FBXO2: variants seen among roughly 807,000 people sequenced by gnomAD.
FBXO2 encodes F-box protein 2, also known as F-box only protein 2.
FBXO2 carries 32 observed loss-of-function variants against 38.6 expected under a neutral mutation model. That is an observed-to-expected ratio of 0.83 (90% confidence interval 0.62 to 1.11). FBXO2 has a LOEUF of 1.11. Among genes scored for constraint, FBXO2 ranks in the 50% most tolerant of loss-of-function variants. The pLI is 0.00. For synonymous variants in FBXO2, 189 were observed against 182.9 expected (o/e 1.03, Z -0.27); for missense variants, 450 against 418.3 (o/e 1.08, Z -0.66).
chr1:11,650,708 A>G lies in FBXO2; in HGVS notation c.149T>C (p.Leu50Pro). 6.5e-7 allele frequency: 1 copy of G among 1,530,124 alleles called. No individual in the cohort carries two copies. The highest frequency in any genetic ancestry group is 8.7e-7 in the Non-Finnish European group (1 of 1,144,926). 94.8% of individuals were successfully genotyped at this position (1,530,124 alleles called of 1,614,324 possible). ...AAAAAAYLDE[L>P]PEPLLLRVLA... ...CACGCGCAGCAGCAGCGGCTCGGGC[A>G]GCTCGTCCAGGTACGCGGCGGCGGC... Residue 50 changes from leucine to proline, a missense_variant, in exon 2 of 6, where the codon CTG (leucine) becomes CCG (proline). By Grantham distance (98) the Leu-to-Pro change is moderately conservative. Coordinates refer to ENST00000354287, the MANE Select transcript of FBXO2 (RefSeq NM_012168.6).
At position 11,649,350 on chromosome 1, in the gene FBXO2, G is replaced by A. The variant is rs1639475090; in HGVS notation, c.618-125C>T. 8.8e-6 allele frequency: 7 copies of A among 798,946 alleles called. No individual in the cohort carries two copies. The East Asian group carries it at 1.9e-4, about 22-fold the overall frequency. 49.5% of individuals were successfully genotyped at this position (798,946 alleles called of 1,614,324 possible). On this transcript the variant is annotated intron_variant, in intron 4 of 5. Coordinates refer to ENST00000354287, the MANE Select transcript of FBXO2 (RefSeq NM_012168.6). ...GTCCTCCTGTGCGCCCAACATCCCT[G>A]TCAGCCAGCACTGCCAGTGTTCCCA...
chr1:11,649,249 TGGGGGGC>T, intron 4 of FBXO2, 24 bp from the exon 5 acceptor site: 1 of 75,286 alleles, frequency 1.3e-5, no homozygotes, highest in Non-Finnish European at 2.2e-5. Context: ...GGGAGCGAGG[TGGGGGGC>T]GGGAGGTGGG....
chr1:11,649,018 C>T (rs1570218003), intron 5 of FBXO2, 69 bp downstream of exon 5: 2 of 1,394,182 alleles, frequency 1.4e-6, no homozygotes, highest in East Asian at 2.5e-5. Flanking sequence ...GCGCTGTGGG[C>T]GGGGTCTCCT....
chr1:11,648,698 G>A lies in FBXO2; in HGVS notation c.887C>T (p.Pro296Leu). ...RVTNSSVWVE[P>L] Reference sequence around the variant, plus strand: ...GGAGAGTGGAGGCAGGGTCGCTCAGGGTTCTACCCACACGCTGCTGTTGGT... The same window carrying A: ...GGAGAGTGGAGGCAGGGTCGCTCAGAGTTCTACCCACACGCTGCTGTTGGT... The change falls in exon 6 of 6, where the codon CCC becomes CTC. Residue 296 changes from proline (P) to leucine (L), a missense_variant. Coordinates refer to ENST00000354287, the MANE Select transcript of FBXO2 (RefSeq NM_012168.6). This position sits in a 1 kb window ranked among gnomAD's most constrained non-coding sequence, Gnocchi z 4.2. 1 of 1,613,308 alleles carries A rather than the reference G, an allele frequency of 6.2e-7. No homozygotes were observed. Among genetic ancestry groups the A allele is most frequent in the Non-Finnish European group, 8.5e-7 (1 of 1,179,962 alleles).
At chr1:11,651,947 C>T (rs1258701280) in intron 1 of FBXO2, among the ~76,000 whole-genome samples, 1 of 152,186 alleles carries the variant, frequency 6.6e-6, no homozygotes, top group Non-Finnish European at 1.5e-5. Flanking sequence ...GATCCACCCG[C>T]CTCAGCCTCC....
intron 4 of FBXO2, 82 bp downstream of exon 4, chr1:11,649,697 C>G: frequency 1.4e-6 from 2 of 1,460,024 alleles, no homozygotes; most frequent in Non-Finnish European, 1.9e-6. Flanking sequence ...GCAGCACCCC[C>G]AGGCGGGGGG....
chr1:11,653,693 A>G (rs945443710), intron 1 of FBXO2, among the ~76,000 whole-genome samples: 1 of 152,080 alleles, frequency 6.6e-6, no homozygotes, highest in Non-Finnish European at 1.5e-5. Flanking sequence ...CAACCCCTGC[A>G]GGCCCCGCAG....
rs766484047 is a variant in FBXO2, at chr1:11,650,030, A to G, written c.436T>C (p.Trp146Arg). The change falls in exon 3 of 6, where the codon TGG becomes CGG. Residue 146 changes from tryptophan (W) to arginine (R), a missense_variant. Coordinates refer to ENST00000354287, the MANE Select transcript of FBXO2 (RefSeq NM_012168.6). The part of the protein sequence containing the change: ...WCDVEHGGDG[W>R]RVEELPGDSG... ...TCTCCAGGCAGCTCCTCCACCCTCC[A>G]GCCGTCCCCACCATGCTCCACGTCA... The G allele has an allele frequency of 1.2e-6, 2 of 1,613,960 alleles. No individual in the cohort carries two copies. The highest frequency in any genetic ancestry group is 1.7e-5 in the Admixed American group (1 of 60,002).
chr1:11,649,671 C>T (rs867521274), intron 4 of FBXO2, 108 bp downstream of exon 4: 3 of 1,212,304 alleles, frequency 2.5e-6, no homozygotes, highest in East Asian at 4.8e-5. Context: ...GTGGCCTCAA[C>T]CCCTGCAGTG....
intron 1 of FBXO2, chr1:11,653,894 A>C: frequency 4.2e-5 from 7 of 164,752 alleles, no homozygotes; most frequent in Non-Finnish European, 6.6e-5. Context: ...GAAGGCAGGA[A>C]TAGGTGAGGC....
intron 4 of FBXO2, 121 bp downstream of exon 4, chr1:11,649,658 C>A (rs1639479379): frequency 1.0e-6 from 1 of 994,040 alleles, no homozygotes; most frequent in Admixed American, 2.3e-5. Flanking sequence ...ACCCGTGGCC[C>A]ACGTGGCCTC....
chr1:11,651,837 T>C (rs1639526933), intron 1 of FBXO2, among the ~76,000 whole-genome samples: 1 of 152,100 alleles, frequency 6.6e-6, no homozygotes, highest in Non-Finnish European at 1.5e-5. Context: ...AGTACTGGGA[T>C]GACAGGCATG....
intron 4 of FBXO2, 32 bp from the exon 5 acceptor site, chr1:11,649,257 G>GCGGCT: frequency 7.0e-7 from 1 of 1,426,814 alleles, no homozygotes; most frequent in Non-Finnish European, 9.5e-7. Flanking sequence ...GGTGGGGGGC[G>GCGGCT]GGAGGTGGGG....
At position 11,650,554 on chromosome 1, in the gene FBXO2, G is replaced by A. The variant is rs371177968; in HGVS notation, c.303C>T (p.Gly101=). The A allele has an allele frequency of 2.5e-6, 4 of 1,596,026 alleles. No homozygotes were observed. The African/African-American group carries it at 4.0e-5, about 16-fold the overall frequency. The change falls in exon 2 of 6, where the codon GGC becomes GGT. Residue 101 remains glycine (G), a synonymous_variant. Transcript: ENST00000354287. ...AGTGGTCGCGCTCCTCCTCCACGCC[G>A]CCCTCGGGCACCAGCCCCTCCTGCT... ...KCQQEGLVPE[G]GVEEERDHWQ...
chr1:11,649,903 A>C, intron 3 of FBXO2, 29 bp from the exon 4 acceptor site: 1 of 1,613,822 alleles, frequency 6.2e-7, no homozygotes, highest in East Asian at 2.2e-5. Flanking sequence ...GGACAGAGCG[A>C]ACGCTCCCCC....
rs560259156 is a variant in FBXO2 at position 11,650,106 on chromosome 1, C to A, written c.392-32G>T. ...GGACACGACAGCCCCACCCTGGTCA[C>A]TCAGTCCCTGCTAAGGCTGGCTCTT... is the stretch of plus-strand genomic sequence containing the variant. On this transcript the variant is annotated intron_variant, in intron 2 of 5. Transcript: ENST00000354287. 4.3e-6 allele frequency: 7 copies of A among 1,612,602 alleles called. No individual in the cohort carries two copies. In the South Asian group the frequency reaches 7.7e-5, roughly 18 times the overall value.
chr1:11,652,652 T>C (rs1639545288), intron 1 of FBXO2, among the ~76,000 whole-genome samples: 1 of 152,198 alleles, frequency 6.6e-6, no homozygotes, highest in African/African-American at 2.4e-5. Flanking sequence ...GGGGCCACTC[T>C]GGGTGATCAG....
intron 4 of FBXO2, chr1:11,649,453 T>A (rs1341575688): frequency 3.3e-6 from 2 of 597,774 alleles, no homozygotes; most frequent in Admixed American, 3.0e-5. Flanking sequence ...CATTCCAAGT[T>A]GGCCAGACCC....
chr1:11,649,356 C>A, intron 4 of FBXO2, 131 bp from the exon 5 acceptor site: 1 of 736,296 alleles, frequency 1.4e-6, no homozygotes. Flanking sequence ...CCCTGTCAGC[C>A]AGCACTGCCA....
Sources: allele counts gnomAD v4.1 joint callset (sites outside exome capture counted in the v4.1 genomes callset), GRCh38; gene constraint gnomAD v4.1.1; non-coding constraint Gnocchi (gnomAD v3.1); transcripts MANE v1.5; gene names NCBI Gene and HGNC (gene_info 2026-07-23, HGNC 2026-07-21).